Variants in KMT2D observed in about 807,000 individuals in gnomAD.
The protein encoded by KMT2D is histone-lysine N-methyltransferase 2D.
KMT2D carries 55 observed loss-of-function variants against 512.7 expected under a neutral mutation model. That is an observed-to-expected ratio of 0.11 (90% CI 0.09 to 0.13). KMT2D has a LOEUF of 0.13. KMT2D is among the 10% of genes least tolerant of loss of function. The pLI is 1.00. For synonymous variants in KMT2D, 2,995 were observed against 2,904.0 expected (o/e 1.03, Z -1.01); for missense variants, 6,061 against 7,127.9 (o/e 0.85, Z 5.39).
Position 49,026,429 on chromosome 12 carries a change from A to G in KMT2D, c.15537T>C (p.Arg5179=), listed in dbSNP as rs774401782. 4 of 1,613,800 alleles carry G rather than the reference A, an allele frequency of 2.5e-6. No individual in the cohort carries two copies. In the African/African-American group the frequency reaches 5.3e-5, roughly 22 times the overall value. Residue 5179 remains arginine, a synonymous_variant, in exon 49 of 55, where the codon CGT becomes CGC. Transcript: ENST00000301067. The surrounding 1 kb of genome is among the most constrained non-coding windows in gnomAD (Gnocchi z 9.6). ...IQRGERLHMF[R]VGGLVFHAIG... is the part of the protein sequence containing the mutation. ...TGGCGTGGAACACAAGGCCCCCCAC[A>G]CGGAACATGTGCAGCCGTTCTCCCC...
In KMT2D at chr12:49,026,233, C is replaced by T. The variant is rs2137714878; in HGVS notation, c.15733G>A (p.Val5245Ile). ...AGGTCCTCCAGGCCCTGCTCGATGACTTTGATTACAAACTCCGGCCGCCCG... is the reference window on the plus strand; with the variant it reads ...AGGTCCTCCAGGCCCTGCTCGATGATTTTGATTACAAACTCCGGCCGCCCG... ...NNGRPEFVIK[V>I]IEQGLEDLVF... The change falls in exon 49 of 55, where the codon GTC (valine) becomes ATC (isoleucine). Residue 5245 changes from valine to isoleucine, a missense_variant. By Grantham distance (29) the Val-to-Ile change is conservative (BLOSUM62 3). This residue lies in a region of KMT2D where 261 missense variants were observed against 440.7 expected (regional missense o/e 0.59). Coordinates refer to ENST00000301067, the MANE Select transcript of KMT2D (RefSeq NM_003482.4). This position sits in a 1 kb window ranked among gnomAD's most constrained non-coding sequence, Gnocchi z 9.6. 1 of 1,602,796 alleles carries T rather than the reference C, an allele frequency of 6.2e-7. No homozygotes were observed. Among genetic ancestry groups the T allele is most frequent in the Non-Finnish European group, 8.5e-7 (1 of 1,170,644 alleles).
rs534244970 is a variant in KMT2D, at chr12:49,036,468, C to T, written c.10231+657G>A. On this transcript the variant is annotated intron_variant, in intron 35 of 54. Coordinates refer to ENST00000301067, the MANE Select transcript of KMT2D (RefSeq NM_003482.4). ...CTGGAACTACAGGCGTGCACCACCA[C>T]ACCCAGCTAATTTTTTTTTTTTTTT... 1.8e-3 allele frequency among the ~76,000 whole-genome samples: 263 copies of T among 149,126 alleles called. 7 individuals carry two copies. The South Asian group carries it at 0.055, about 31-fold the overall frequency.
chr12:49,029,004 C>A (rs1412229178), intron 45 of KMT2D, 46 bp from the exon 46 acceptor site: 1 of 1,609,170 alleles, frequency 6.2e-7, no homozygotes, highest in Non-Finnish European at 8.5e-7. Context: ...CGCCTCTCCC[C>A]CAGCTTCGGA....
In KMT2D at chr12:49,026,859, T is replaced by C; in HGVS notation, c.15107A>G (p.His5036Arg). ...PRDMRRCCFC[H>R]EEGDGATDGP... Reference sequence around the variant, plus strand: ...ATCAGTGGCCCCGTCACCCTCCTCATGACAGAAACAGCAGCGACGCATGTC... The same window carrying C: ...ATCAGTGGCCCCGTCACCCTCCTCACGACAGAAACAGCAGCGACGCATGTC... The change falls in exon 49 of 55, where the codon CAT (histidine) becomes CGT (arginine). Residue 5036 changes from histidine to arginine, a missense_variant. By Grantham distance (29) the His-to-Arg change is conservative. Around this residue, in one of 16 missense-constraint regions of KMT2D, gnomAD observed 1,600 missense variants for 1,754.9 expected, o/e 0.91. Transcript: ENST00000301067. This position sits in a 1 kb window ranked among gnomAD's most constrained non-coding sequence, Gnocchi z 9.6. 1 of 1,613,990 alleles carries C rather than the reference T, an allele frequency of 6.2e-7. No homozygotes were observed. The highest frequency in any genetic ancestry group is 8.5e-7 in the Non-Finnish European group (1 of 1,179,884).
At position 49,052,341 on chromosome 12, in the gene KMT2D, G is replaced by T. The variant is rs914611484; in HGVS notation, c.1342C>A (p.Pro448Thr). 2 of 1,564,258 alleles carry T rather than the reference G, an allele frequency of 1.3e-6. No individual in the cohort carries two copies. The highest frequency in any genetic ancestry group is 1.7e-6 in the Non-Finnish European group (2 of 1,153,122). Residue 448 changes from proline (P) to threonine (T), a missense_variant, in exon 11 of 55, where the codon CCC (proline) becomes ACC (threonine). Coordinates refer to ENST00000301067, the MANE Select transcript of KMT2D (RefSeq NM_003482.4). ...GATTCCTCAGGTGGTGGGGACAGGG[G>T]TGACTCCTCAGGTGGGGGCAGCAGT... ...MPLLPPPEES[P>T]LSPPPEESPT...
rs1400422340 is a variant in KMT2D, at chr12:49,021,239, CAG to C, written c.*539_*540del. The C allele has an allele frequency of 4.8e-6, 1 of 208,064 alleles. No individual in the cohort carries two copies. The highest frequency in any genetic ancestry group is 2.4e-5 in the African/African-American group (1 of 41,922). 12.9% of individuals were successfully genotyped at this position (208,064 alleles called of 1,614,324 possible). On this transcript the variant is annotated 3_prime_UTR_variant, in exon 55 of 55. Transcript: ENST00000301067. The stretch of plus-strand genomic sequence containing the variant: ...CACAACCCATAGAGAGACAGAAACA[CAG>C]AGGAAAAGAGGGAAACAGAGACAGA...
At position 49,033,132 on chromosome 12, in the gene KMT2D, T is replaced by C; in HGVS notation, c.11573A>G (p.Gln3858Arg). 1 of 1,551,500 alleles carries C rather than the reference T, an allele frequency of 6.4e-7. No individual in the cohort carries two copies. Among genetic ancestry groups the C allele is most frequent in the Non-Finnish European group, 8.7e-7 (1 of 1,146,924 alleles). The stretch of plus-strand genomic sequence containing the variant: ...CTGTTGGTGCTGTTGTTGCTGCTGC[T>C]GCTGCTGGGCTGTGACCAGCCTGTG... ...MGHRLVTAQQ[Q>R]QQQQQHQQQG... The change falls in exon 40 of 55, where the codon CAG becomes CGG. Residue 3858 changes from glutamine (Q) to arginine (R), a missense_variant. By Grantham distance (43) the Gln-to-Arg change is conservative. Transcript: ENST00000301067.
At position 49,050,096 on chromosome 12, in the gene KMT2D, G is replaced by C. The variant is rs2120645613; in HGVS notation, c.3492C>G (p.Thr1164=). ...TGCATTCGGGGTAGACCTCCATAGG[G>C]GTCACAGGGGCCAGCTCCTCGGGGT... ...LLDPEELAPV[T]PMEVYPECKQ... The change falls in exon 12 of 55, where the codon ACC becomes ACG. Residue 1164 remains threonine (T), a synonymous_variant. Transcript: ENST00000301067. 6.2e-7 allele frequency: 1 copy of C among 1,613,588 alleles called. No individual in the cohort carries two copies. The highest frequency in any genetic ancestry group is 8.5e-7 in the Non-Finnish European group (1 of 1,179,784).
intron 35 of KMT2D, among the ~76,000 whole-genome samples, chr12:49,036,759 CA>C (rs1481301424): frequency 6.6e-6 from 1 of 152,152 alleles, no homozygotes; most frequent in Non-Finnish European, 1.5e-5. Flanking sequence ...CTTGGTCTCC[CA>C]AAGTGCTGGG....
rs1942342259 is a variant in KMT2D, at chr12:49,021,839, C to A, written c.16555G>T (p.Asp5519Tyr). 1 of 1,613,838 alleles carries A rather than the reference C, an allele frequency of 6.2e-7. No individual in the cohort carries two copies. The highest frequency in any genetic ancestry group is 8.5e-7 in the Non-Finnish European group (1 of 1,179,856). Residue 5519 changes from aspartate to tyrosine, a missense_variant, in exon 55 of 55, where the codon GAT becomes TAT. Transcript: ENST00000301067. ...CAGTGGCAGGGGATCTTGTGCTGAT[C>A]GTCCTCAAAATCAAACTGATAGTCA... ...TYDYQFDFED[D>Y]QHKIPCHCGA...
chr12:49,052,752 C>T, intron 9 of KMT2D, 43 bp from the exon 10 acceptor site: 1 of 1,604,176 alleles, frequency 6.2e-7, no homozygotes, highest in South Asian at 1.1e-5. Flanking sequence ...CTCTCACCAG[C>T]TAACAAATCC....
Position 49,052,407 on chromosome 12 carries a change from G to A in KMT2D, c.1276C>T (p.Leu426Phe), listed in dbSNP as rs750774484. 1.1e-5 allele frequency: 17 copies of A among 1,542,898 alleles called. No individual in the cohort carries two copies. The highest frequency in any genetic ancestry group is 2.3e-5 in the East Asian group (1 of 44,330). The change falls in exon 11 of 55, where the codon CTT (leucine) becomes TTT (phenylalanine). Residue 426 changes from leucine (L) to phenylalanine (F), a missense_variant. By Grantham distance (22) the Leu-to-Phe change is conservative. Transcript: ENST00000301067. ...AGGGGGGCCTCCAACTGGGGCTCAAGTTGGACCCCTGCTTTCCCTGCAGAC... is the reference window on the plus strand; with the variant it reads ...AGGGGGGCCTCCAACTGGGGCTCAAATTGGACCCCTGCTTTCCCTGCAGAC... ...AKPLGKAGVQ[L>F]EPQLEAPLNE...
At position 49,044,691 on chromosome 12, in the gene KMT2D, C is replaced by A. The variant is rs1033115087; in HGVS notation, c.4963+53G>T. On this transcript the variant is annotated intron_variant, in intron 20 of 54. Coordinates refer to ENST00000301067, the MANE Select transcript of KMT2D (RefSeq NM_003482.4). This position sits in a 1 kb window ranked among gnomAD's most constrained non-coding sequence, Gnocchi z 6.4. ...TGTAGCCCCCACCCAACATCCCACT[C>A]CCAGAGTCACGCTCCCCCTACTCTG... The A allele has an allele frequency of 9.5e-6, 15 of 1,576,220 alleles. No homozygotes were observed. The highest frequency in any genetic ancestry group is 1.1e-5 in the Non-Finnish European group (13 of 1,150,032).
chr12:49,048,719 A>C lies in KMT2D; in HGVS notation c.4071T>G (p.Asp1357Glu), dbSNP rs2120625617. The change falls in exon 14 of 55, where the codon GAT becomes GAG. Residue 1357 changes from aspartate (D) to glutamate (E), a missense_variant. Asp to Glu is a conservative substitution (Grantham distance 45). Around this residue, in one of 16 missense-constraint regions of KMT2D, gnomAD observed 447 missense variants for 500.1 expected, o/e 0.89. Transcript: ENST00000301067. ...GAACCACGGTATTCTGCATGGTGTC[A>C]TCATCTTCTTCCTCCTCCTCCTTAC... is the stretch of plus-strand genomic sequence containing the variant. Reference protein sequence around the residue: ...SPSKEEEEEDDDTMQNTVVLF... With the variant: ...SPSKEEEEEDEDTMQNTVVLF... 2 of 1,613,362 alleles carry C rather than the reference A, an allele frequency of 1.2e-6. No individual in the cohort carries two copies. Among genetic ancestry groups the C allele is most frequent in the African/African-American group, 1.3e-5 (1 of 75,058 alleles).
chr12:49,032,184 T>G lies in KMT2D; in HGVS notation c.12521A>C (p.Lys4174Thr), dbSNP rs1265146250. The G allele has an allele frequency of 6.2e-7, 1 of 1,612,926 alleles. No individual in the cohort carries two copies. The highest frequency in any genetic ancestry group is 2.2e-5 in the East Asian group (1 of 44,838). The change falls in exon 40 of 55, where the codon AAA becomes ACA. Residue 4174 changes from lysine (K) to threonine (T), a missense_variant. Transcript: ENST00000301067. ...MQNNTGPQPPKPGPVLQSGQG... is the reference protein window; with the variant it reads ...MQNNTGPQPPTPGPVLQSGQG... ...CCCAGACTGGAGGACAGGTCCTGGT[T>G]TGGGAGGTTGTGGCCCTGTATTATT...
chr12:49,026,960 C>T lies in KMT2D; in HGVS notation c.15006G>A (p.Arg5002=), dbSNP rs2120365336. The T allele has an allele frequency of 6.2e-7, 1 of 1,614,058 alleles. No individual in the cohort carries two copies. The highest frequency in any genetic ancestry group is 8.5e-7 in the Non-Finnish European group (1 of 1,179,906). Reference sequence around the variant, plus strand: ...CTGCCACTTCCCGCTCATCCTCCTGCCGCCCACTGCCCTTCTGGATGGTCA... The same window carrying T: ...CTGCCACTTCCCGCTCATCCTCCTGTCGCCCACTGCCCTTCTGGATGGTCA... ...LLLTIQKGSG[R]QEDEREVAEF... The change falls in exon 49 of 55, where the codon CGG becomes CGA. Residue 5002 remains arginine, a synonymous_variant. Coordinates refer to ENST00000301067, the MANE Select transcript of KMT2D (RefSeq NM_003482.4). The surrounding 1 kb of genome is among the most constrained non-coding windows in gnomAD (Gnocchi z 9.6).
In KMT2D at chr12:49,060,416, G is replaced by A. The variant is rs1416494641; in HGVS notation, c.-841C>T. Among the ~76,000 whole-genome samples, 2 of 152,174 alleles carry A rather than the reference G, an allele frequency of 1.3e-5. No homozygotes were observed. Among genetic ancestry groups the A allele is most frequent in the East Asian group, 1.9e-4 (1 of 5,182 alleles). On this transcript the variant is annotated 5_prime_UTR_variant, in exon 1 of 55. Coordinates refer to ENST00000301067, the MANE Select transcript of KMT2D (RefSeq NM_003482.4). ...GAGCTGCCCCGCCCCCGGCCTGGCC[G>A]GCTCTGGTCGGTGGCACCCCCTCGA...
chr12:49,060,565 G>A lies in KMT2D; in HGVS notation c.-990C>T, dbSNP rs545195129. The stretch of plus-strand genomic sequence containing the variant: ...GAGGCAGCCATTTGCAACCGGAGAG[G>A]AAAGTAGTGCAGCGCGGCGCCGCTC... On this transcript the variant is annotated 5_prime_UTR_variant, in exon 1 of 55. Coordinates refer to ENST00000301067, the MANE Select transcript of KMT2D (RefSeq NM_003482.4). Among the ~76,000 whole-genome samples, 6 of 152,336 alleles carry A rather than the reference G, an allele frequency of 3.9e-5. No individual in the cohort carries two copies. The South Asian group carries it at 8.3e-4, about 21-fold the overall frequency.
In KMT2D at chr12:49,042,185, G is replaced by A. The variant is rs2120553517; in HGVS notation, c.6013C>T (p.Arg2005Cys). The A allele has an allele frequency of 1.2e-6, 2 of 1,611,204 alleles. No individual in the cohort carries two copies. Among genetic ancestry groups the A allele is most frequent in the Non-Finnish European group, 1.7e-6 (2 of 1,178,808 alleles). Reference sequence around the variant, plus strand: ...CCCAACTCCTCATCCTTCTCCCAGCGCTGAAGACTCCGCTGGTTATAGGAG... The same window carrying A: ...CCCAACTCCTCATCCTTCTCCCAGCACTGAAGACTCCGCTGGTTATAGGAG... ...GLSYNQRSLQ[R>C]WEKDEELGQL... is the part of the protein sequence containing the mutation. The change falls in exon 29 of 55, where the codon CGC (arginine) becomes TGC (cysteine). Residue 2005 changes from arginine (R) to cysteine (C), a missense_variant. Physicochemically the swap from Arg to Cys is radical, Grantham distance 180 (BLOSUM62 -3). Around this residue, in one of 16 missense-constraint regions of KMT2D, gnomAD observed 640 missense variants for 814.3 expected, o/e 0.79. Transcript: ENST00000301067. The surrounding 1 kb of genome is among the most constrained non-coding windows in gnomAD (Gnocchi z 4.4).
Sources: gnomAD v4.1 joint callset for allele counts (sites outside exome capture counted in the v4.1 genomes callset) on GRCh38, gnomAD v4.1.1 for gene constraint, gnomAD v4.1.1 regional missense constraint, Gnocchi (gnomAD v3.1) non-coding constraint, MANE v1.5 for transcripts, NCBI Gene and HGNC (gene_info 2026-07-23, HGNC 2026-07-21) for gene names.